The following IQGAP2 variants were observed in gnomAD, a reference collection of about 807,000 sequenced individuals.
The protein encoded by IQGAP2 is IQ motif containing GTPase activating protein 2.
Under a neutral mutation model 201.3 loss-of-function variants are expected in IQGAP2, and 173 were observed. The ratio of observed to expected loss-of-function variants is 0.86; its 90% CI spans 0.76 to 0.98. The LOEUF (loss-of-function observed/expected upper bound fraction) is 0.98, where lower values mean the gene tolerates loss of function less well. Among genes scored for constraint, IQGAP2 ranks in the 50% least tolerant of loss-of-function variants. The pLI is 0.00. For synonymous variants in IQGAP2, 675 were observed against 673.9 expected, an observed-to-expected ratio of 1.00 and a Z score of -0.03; for missense variants, 1,687 against 1,864.8, an observed-to-expected ratio of 0.90 and a Z score of 1.76.
At chr5:76,643,264 A>G (rs1384374448) in intron 17 of IQGAP2, among the ~76,000 whole-genome samples, 2 of 152,250 alleles carry the variant, frequency 1.3e-5, no homozygotes, top group African/African-American at 4.8e-5. Flanking sequence ...AAGAGAAATA[A>G]TGATGTTATA....
chr5:76,650,697 T>G (rs562803753), intron 17 of IQGAP2, among the ~76,000 whole-genome samples: 17 of 152,244 alleles, frequency 1.1e-4, no homozygotes, highest in Non-Finnish European at 2.1e-4. Context: ...TATGTATACA[T>G]GTGCCATGTT....
chr5:76,595,277 C>A (rs1488652077), intron 9 of IQGAP2, among the ~76,000 whole-genome samples: 2 of 78,330 alleles, frequency 2.6e-5, no homozygotes, highest in Admixed American at 1.8e-4. Flanking sequence ...TTTTTCCGGA[C>A]AGGGTCTTAT....
Position 76,606,088 on chromosome 5 carries a change from A to G in IQGAP2, c.1233-91A>G, listed in dbSNP as rs189898380. On this transcript the variant is annotated intron_variant, in intron 11 of 35. Coordinates refer to ENST00000274364, the MANE Select transcript of IQGAP2 (RefSeq NM_006633.5). ...CTACTCTTTGTCTAACTTCATAACA[A>G]CTATGTTTGACCATGTGTCATAGTT... The G allele has an allele frequency of 1.5e-4, 172 of 1,149,174 alleles. 1 individual carries two copies. The African/African-American group carries it at 2.4e-3, about 16-fold the overall frequency. The allele number at this position is 1,149,174 out of a possible 1,614,324, so 71.2% of individuals were successfully genotyped here. A position where few individuals can be genotyped will look rare whatever the true frequency, so the allele number is the denominator to read the frequency against.
At chr5:76,625,751 C>T (rs1750161146) in intron 13 of IQGAP2, among the ~76,000 whole-genome samples, 1 of 152,212 alleles carries the variant, frequency 6.6e-6, no homozygotes, top group Non-Finnish European at 1.5e-5. Flanking sequence ...ACTATTTCCT[C>T]TCCTTCCTGC....
At chr5:76,562,374 A>ATT in intron 2 of IQGAP2, 22 bp from the exon 3 acceptor site, 3 of 1,404,478 alleles carry the variant, frequency 2.1e-6, no homozygotes, top group Non-Finnish European at 2.9e-6. Flanking sequence ...TCACTTTAAT[A>ATT]TTTTTTTTTT....
rs1561495958 is a variant in IQGAP2 at position 76,599,214 on chromosome 5, C to G, written c.1072-1598C>G. ...CTGGGCAACATAGGCCTCATCTTTA[C>G]AAAAATAATAATAATAATTAAAAAG... On this transcript the variant is annotated intron_variant, in intron 10 of 35. Coordinates refer to ENST00000274364, the MANE Select transcript of IQGAP2 (RefSeq NM_006633.5). 3.3e-5 allele frequency among the ~76,000 whole-genome samples: 5 copies of G among 151,960 alleles called. No homozygotes were observed. In the South Asian group the frequency reaches 1.0e-3, roughly 31 times the overall value.
chr5:76,440,788 C>G (rs994776257), intron 1 of IQGAP2, among the ~76,000 whole-genome samples: 4 of 152,140 alleles, frequency 2.6e-5, no homozygotes, highest in African/African-American at 9.7e-5. Context: ...AATCCCAGCA[C>G]TATGGGAGGC....
intron 20 of IQGAP2, among the ~76,000 whole-genome samples, chr5:76,658,110 C>T (rs1742915862): frequency 6.6e-6 from 1 of 152,138 alleles, no homozygotes; most frequent in South Asian, 2.1e-4. Flanking sequence ...GTCGAGGTAA[C>T]TTATGTTAAC....
At chr5:76,678,593 T>C (rs1745029653) in intron 28 of IQGAP2, among the ~76,000 whole-genome samples, 1 of 152,222 alleles carries the variant, frequency 6.6e-6, no homozygotes, top group Non-Finnish European at 1.5e-5. Flanking sequence ...CAATGCACCC[T>C]GGACCTCCCA....
intron 9 of IQGAP2, chr5:76,597,049 G>C: frequency 5.6e-6 from 1 of 179,654 alleles, no homozygotes; most frequent in Non-Finnish European, 1.2e-5. Flanking sequence ...ATGCCTGCTG[G>C]AACTACATGG....
chr5:76,606,002 T>C (rs979765087), intron 11 of IQGAP2, among the ~76,000 whole-genome samples, 177 bp from the exon 12 acceptor site: 1 of 152,210 alleles, frequency 6.6e-6, no homozygotes, highest in African/African-American at 2.4e-5. Flanking sequence ...GAAAACACCA[T>C]TAGTACAAGT....
chr5:76,689,247 A>AAC (rs1746059380), intron 30 of IQGAP2, among the ~76,000 whole-genome samples: 1 of 149,728 alleles, frequency 6.7e-6, no homozygotes, highest in Non-Finnish European at 1.5e-5. Context: ...AAAAAAAAAA[A>AAC]AAAAAAAAAC....
Position 76,701,099 on chromosome 5 carries a change from T to C in IQGAP2, c.4391T>C (p.Leu1464Pro). The C allele has an allele frequency of 6.2e-7, 1 of 1,614,134 alleles. No individual in the cohort carries two copies. Among genetic ancestry groups the C allele is most frequent in the African/African-American group, 1.3e-5 (1 of 75,040 alleles). Residue 1464 changes from leucine to proline, a missense_variant, in exon 34 of 36, where the codon CTA becomes CCA. By Grantham distance (98) the Leu-to-Pro change is moderately conservative. Transcript: ENST00000274364. ...KRKNTRRSIK[L>P]DGKGEPKGAK... ...AGAAATACTCGGAGATCAATTAAACTAGATGGAAAAGGAGAACCCAAAGGG... is the reference window on the plus strand; with the variant it reads ...AGAAATACTCGGAGATCAATTAAACCAGATGGAAAAGGAGAACCCAAAGGG...
chr5:76,642,108 C>T (rs1751635231), intron 17 of IQGAP2, among the ~76,000 whole-genome samples: 1 of 152,044 alleles, frequency 6.6e-6, no homozygotes, highest in South Asian at 2.1e-4. Flanking sequence ...AATGAGTTTA[C>T]AATGTATTCC....
chr5:76,431,008 G>A (rs1409006106), intron 1 of IQGAP2, among the ~76,000 whole-genome samples: 1 of 152,124 alleles, frequency 6.6e-6, no homozygotes, highest in East Asian at 1.9e-4. Flanking sequence ...TCCAAGATCT[G>A]TTAAGTGAAA....
intron 2 of IQGAP2, chr5:76,510,580 G>C (rs1580352480): frequency 2.1e-6 from 1 of 478,104 alleles, no homozygotes; most frequent in African/African-American, 2.0e-5. Flanking sequence ...CGATCTGGAA[G>C]GACCCAGACA....
intron 2 of IQGAP2, among the ~76,000 whole-genome samples, chr5:76,516,194 G>C (rs1213326733): frequency 6.6e-6 from 1 of 152,034 alleles, no homozygotes; most frequent in Non-Finnish European, 1.5e-5. Context: ...CTTTTTAAAA[G>C]GAAGTATAGT....
At chr5:76,611,699 G>C (rs1748427455) in intron 13 of IQGAP2, among the ~76,000 whole-genome samples, 1 of 152,208 alleles carries the variant, frequency 6.6e-6, no homozygotes, top group Non-Finnish European at 1.5e-5. Context: ...TCGGGGACTA[G>C]AATCCTAAGA....
intron 1 of IQGAP2, among the ~76,000 whole-genome samples, chr5:76,433,411 C>T (rs1752482819): frequency 6.6e-6 from 1 of 152,084 alleles, no homozygotes; most frequent in African/African-American, 2.4e-5. Context: ...CATAGGGTGG[C>T]CCTCTCTTAC....
Sources: gnomAD v4.1 joint callset for allele counts (sites outside exome capture counted in the v4.1 genomes callset) on GRCh38, gnomAD v4.1.1 for gene constraint, MANE v1.5 for transcripts, NCBI Gene and HGNC (gene_info 2026-07-23, HGNC 2026-07-21) for gene names.